The following TMEM131L variants were observed in gnomAD, a reference collection of about 807,000 sequenced individuals.
The protein encoded by TMEM131L is transmembrane protein 131-like.
Under a neutral mutation model 192.2 loss-of-function variants are expected in TMEM131L, and 54 were observed. The ratio of observed to expected loss-of-function variants is 0.28; its 90% CI spans 0.23 to 0.35. TMEM131L has a LOEUF of 0.35. Ranked by LOEUF, TMEM131L falls within the 10% of genes least tolerant of loss-of-function variation. TMEM131L has a pLI of 1.00. For synonymous variants in TMEM131L, 701 were observed against 704.9 expected (o/e 0.99, Z 0.09); for missense variants, 1,888 against 1,972.9 (o/e 0.96, Z 0.82).
chr4:153,567,379 T>G (rs149288582), intron 7 of TMEM131L, among the ~76,000 whole-genome samples: 24 of 152,316 alleles, frequency 1.6e-4, no homozygotes, highest in African/African-American at 5.8e-4. Flanking sequence ...AACATTTTGT[T>G]GTAGTTTTAG....
At chr4:153,521,052 T>C (rs1404882393) in intron 3 of TMEM131L, among the ~76,000 whole-genome samples, 1 of 152,130 alleles carries the variant, frequency 6.6e-6, no homozygotes, top group Non-Finnish European at 1.5e-5. Flanking sequence ...GGGAAGTGGT[T>C]GTAGGGAGTA....
chr4:153,620,598 G>A (rs1257153028), intron 26 of TMEM131L, among the ~76,000 whole-genome samples, 158 bp from the exon 27 acceptor site: 1 of 152,164 alleles, frequency 6.6e-6, no homozygotes, highest in Non-Finnish European at 1.5e-5. Flanking sequence ...TAGCGCAAGA[G>A]GGGAAATGAA....
At chr4:153,522,674 G>A (rs1238302914) in intron 3 of TMEM131L, among the ~76,000 whole-genome samples, 1 of 152,184 alleles carries the variant, frequency 6.6e-6, no homozygotes, top group African/African-American at 2.4e-5. Flanking sequence ...ACCTAGCTGG[G>A]TTCCCTCGCC....
intron 21 of TMEM131L, among the ~76,000 whole-genome samples, chr4:153,601,255 G>A (rs1470182580): frequency 6.6e-6 from 1 of 152,128 alleles, no homozygotes; most frequent in Non-Finnish European, 1.5e-5. Flanking sequence ...AACCAGACCT[G>A]TCGCCATAGC....
At chr4:153,489,167 A>G (rs1732586298) in intron 3 of TMEM131L, among the ~76,000 whole-genome samples, 1 of 152,130 alleles carries the variant, frequency 6.6e-6, no homozygotes, top group Non-Finnish European at 1.5e-5. Flanking sequence ...GCCCTTGTGA[A>G]TGTCCCTCAC....
At chr4:153,534,680 G>A (rs367810353) in intron 3 of TMEM131L, among the ~76,000 whole-genome samples, 2 of 152,156 alleles carry the variant, frequency 1.3e-5, no homozygotes, top group South Asian at 2.1e-4. Context: ...TGATACGCCC[G>A]CCTCGGCCTC....
At chr4:153,603,134 T>C (rs916234958) in intron 23 of TMEM131L, among the ~76,000 whole-genome samples, 169 bp from the exon 24 acceptor site, 3 of 152,198 alleles carry the variant, frequency 2.0e-5, no homozygotes, top group Admixed American at 1.3e-4. Context: ...GAAACTTTTG[T>C]GTGTGTGTTT....
chr4:153,581,618 A>G lies in TMEM131L; in HGVS notation c.892+58A>G, dbSNP rs192611840. ...TTTCATCAGTCTGCATCATCATTCTATAGCATTTATGAACAGATTGTATCA... is the reference window on the plus strand; with the variant it reads ...TTTCATCAGTCTGCATCATCATTCTGTAGCATTTATGAACAGATTGTATCA... On this transcript the variant is annotated intron_variant, in intron 9 of 34. Coordinates refer to ENST00000409959, the MANE Select transcript of TMEM131L (RefSeq NM_001131007.2). 6 of 1,199,756 alleles carry G rather than the reference A, an allele frequency of 5.0e-6. No individual in the cohort carries two copies. The Admixed American group carries it at 1.5e-4, about 31-fold the overall frequency. 74.3% of individuals were successfully genotyped at this position (1,199,756 alleles called of 1,614,324 possible).
chr4:153,603,486 G>C, intron 24 of TMEM131L, 34 bp downstream of exon 24: 1 of 1,582,598 alleles, frequency 6.3e-7, no homozygotes, highest in Non-Finnish European at 8.6e-7. Context: ...GGGAGCGGGG[G>C]CGGTTTCTCA....
rs1732037641 is a variant in TMEM131L, at chr4:153,604,039, C to T, written c.3027C>T (p.Pro1009=). Residue 1009 remains proline, a synonymous_variant, in exon 25 of 35, where the codon CCC becomes CCT. Transcript: ENST00000409959. ...STTTEEKQTS[P]LGSSLPAAKE... Reference sequence around the variant, plus strand: ...CTACTGAGGAAAAACAGACTTCACCCCTGGGCAGCTCACTGCCTGCTGCTA... The same window carrying T: ...CTACTGAGGAAAAACAGACTTCACCTCTGGGCAGCTCACTGCCTGCTGCTA... 2 of 1,614,156 alleles carry T rather than the reference C, an allele frequency of 1.2e-6. No individual in the cohort carries two copies. Among genetic ancestry groups the T allele is most frequent in the South Asian group, 1.1e-5 (1 of 91,084 alleles).
intron 29 of TMEM131L, 87 bp downstream of exon 29, chr4:153,623,170 T>A (rs1733570198): frequency 1.6e-6 from 2 of 1,259,430 alleles, no homozygotes; most frequent in Non-Finnish European, 2.1e-6. Flanking sequence ...TCGATCTGCC[T>A]TCAGGAGTGC....
intron 3 of TMEM131L, 68 bp downstream of exon 3, chr4:153,473,956 G>T: frequency 9.5e-7 from 1 of 1,057,028 alleles, no homozygotes. Context: ...GCTCTCTGAA[G>T]TCTCAGTATA....
intron 4 of TMEM131L, among the ~76,000 whole-genome samples, chr4:153,551,937 G>C (rs554540082): frequency 6.6e-6 from 1 of 152,148 alleles, no homozygotes; most frequent in South Asian, 2.1e-4. Context: ...GGCTGAGCGC[G>C]GTGGCTCACA....
chr4:153,549,993 G>A, intron 3 of TMEM131L, 80 bp from the exon 4 acceptor site: 2 of 596,314 alleles, frequency 3.4e-6, no homozygotes, highest in Non-Finnish European at 5.8e-6. Flanking sequence ...TGCATTGAGA[G>A]TCATTAGTCT....
At chr4:153,603,532 T>C in intron 24 of TMEM131L, 80 bp downstream of exon 24, 1 of 1,436,910 alleles carries the variant, frequency 7.0e-7, no homozygotes, top group South Asian at 1.4e-5. Context: ...TAATTTTAAG[T>C]AAACATAAAT....
chr4:153,469,541 G>C (rs1731006248), intron 2 of TMEM131L, among the ~76,000 whole-genome samples: 1 of 152,118 alleles, frequency 6.6e-6, no homozygotes, highest in African/African-American at 2.4e-5. Context: ...CCAGTACATT[G>C]GGTTTCTTTC....
chr4:153,583,502 T>C, intron 10 of TMEM131L, 62 bp from the exon 11 acceptor site: 1 of 1,146,608 alleles, frequency 8.7e-7, no homozygotes, highest in East Asian at 2.3e-5. Flanking sequence ...AACGGTTCAT[T>C]CAAACTGGAT....
Position 153,555,899 on chromosome 4 carries a change from G to C in TMEM131L, c.421G>C (p.Val141Leu). Residue 141 changes from valine to leucine, a missense_variant, in exon 5 of 35, where the codon GTT (valine) becomes CTT (leucine). Physicochemically the swap from Val to Leu is conservative, Grantham distance 32 (BLOSUM62 1). Coordinates refer to ENST00000409959, the MANE Select transcript of TMEM131L (RefSeq NM_001131007.2). The surrounding 1 kb of genome is among the most constrained non-coding windows in gnomAD (Gnocchi z 4.1). ...AAAGHFHVPP[V>L]PCRVIPAMGK... Reference sequence around the variant, plus strand: ...TGCTGGACATTTCCATGTACCGCCAGTTCCCTGCAGGGTGGGTGTTGATGG... The same window carrying C: ...TGCTGGACATTTCCATGTACCGCCACTTCCCTGCAGGGTGGGTGTTGATGG... 1 of 1,551,388 alleles carries C rather than the reference G, an allele frequency of 6.4e-7. No individual in the cohort carries two copies. Among genetic ancestry groups the C allele is most frequent in the South Asian group, 1.2e-5 (1 of 84,040 alleles).
intron 9 of TMEM131L, among the ~76,000 whole-genome samples, chr4:153,582,256 T>G (rs1232588799): frequency 1.3e-5 from 2 of 151,598 alleles, no homozygotes; most frequent in Non-Finnish European, 2.9e-5. Context: ...TCTGTTTTTG[T>G]TTTTTTTAGA....
Sources: gnomAD v4.1 joint callset for allele counts (sites outside exome capture counted in the v4.1 genomes callset) on GRCh38, gnomAD v4.1.1 for gene constraint, Gnocchi (gnomAD v3.1) non-coding constraint, MANE v1.5 for transcripts, NCBI Gene and HGNC (gene_info 2026-07-23, HGNC 2026-07-21) for gene names.